The following DSC1 variants were observed in gnomAD, a reference collection of about 807,000 sequenced individuals.
DSC1 encodes the protein desmocollin-1.
A neutral mutation model predicts 98.8 loss-of-function variants in DSC1; 79 were observed. The ratio of observed to expected loss-of-function variants is 0.80; its 90% CI spans 0.67 to 0.96. The LOEUF (loss-of-function observed/expected upper bound fraction) is 0.96, where lower values mean the gene tolerates loss of function less well. Ranked by LOEUF, DSC1 falls within the 50% of genes least tolerant of loss-of-function variation. The probability of loss-of-function intolerance (pLI) is 0.00; values close to 1 mark genes in which losing one functional copy is unlikely to be tolerated. For synonymous variants in DSC1, 405 were observed against 372.1 expected, an observed-to-expected ratio of 1.09 and a Z score of -1.02; for missense variants, 1,115 against 1,075.9, an observed-to-expected ratio of 1.04 and a Z score of -0.51.
rs141558026 is a variant in DSC1 at position 31,160,657 on chromosome 18, G to A, written c.64-1128C>T. On this transcript the variant is annotated intron_variant, in intron 1 of 15. Coordinates refer to ENST00000257198, the MANE Select transcript of DSC1 (RefSeq NM_024421.2). The stretch of plus-strand genomic sequence containing the variant: ...CCACTTTTTAAAACGTGAGACATTC[G>A]TATTTATTTAACTTTTTAAATATGT... 5.9e-5 allele frequency among the ~76,000 whole-genome samples: 9 copies of A among 152,052 alleles called. No homozygotes were observed. The East Asian group carries it at 1.2e-3, about 20-fold the overall frequency.
chr18:31,134,874 T>A, intron 11 of DSC1, 90 bp from the exon 12 acceptor site: 1 of 1,247,252 alleles, frequency 8.0e-7, no homozygotes, highest in South Asian at 1.5e-5. Context: ...ATCTGCTTTC[T>A]ACTAGCTGTC....
intron 5 of DSC1, among the ~76,000 whole-genome samples, chr18:31,152,935 A>T (rs972588859): frequency 1.0e-5 from 1 of 95,568 alleles, no homozygotes; most frequent in Non-Finnish European, 2.1e-5. Flanking sequence ...GAATTTTACT[A>T]ATTTGCAAGT....
intron 6 of DSC1, among the ~76,000 whole-genome samples, chr18:31,147,308 G>A (rs942430659): frequency 2.0e-5 from 3 of 151,872 alleles, no homozygotes; most frequent in East Asian, 1.9e-4. Context: ...TTTCATAAAC[G>A]CACCTGTGAC....
chr18:31,140,437 C>T, intron 9 of DSC1, 136 bp from the exon 10 acceptor site: 1 of 889,424 alleles, frequency 1.1e-6, no homozygotes. Context: ...CAGTTAAAGA[C>T]CAACAATTAG....
Position 31,138,582 on chromosome 18 carries a change from T to A in DSC1, c.1663+1166A>T, listed in dbSNP as rs190247903. On this transcript the variant is annotated intron_variant, in intron 11 of 15. Coordinates refer to ENST00000257198, the MANE Select transcript of DSC1 (RefSeq NM_024421.2). ...GCCAACATAGAAAAAAGTAGGGGTA[T>A]AATATCTGAGAACACATTGTTTGCA... Among the ~76,000 whole-genome samples, 67 of 150,328 alleles carry A rather than the reference T, an allele frequency of 4.5e-4. 1 individual carries two copies. The East Asian group carries it at 8.0e-3, about 18-fold the overall frequency.
At position 31,131,724 on chromosome 18, in the gene DSC1, C is replaced by T; in HGVS notation, c.2357G>A (p.Gly786Asp). The change falls in exon 15 of 16, where the codon GGC becomes GAC. Residue 786 changes from glycine to aspartate, a missense_variant. Coordinates refer to ENST00000257198, the MANE Select transcript of DSC1 (RefSeq NM_024421.2). ...TCCTTTGTTGGAATCCAAAGTGTAG[C>T]CTCCTTTGACCATCTCAAAACTTTG... Reference protein sequence around the residue: ...TQQSFEMVKGGYTLDSNKGGG... With the variant: ...TQQSFEMVKGDYTLDSNKGGG... 6.2e-7 allele frequency: 1 copy of T among 1,614,096 alleles called. No homozygotes were observed. The highest frequency in any genetic ancestry group is 8.5e-7 in the Non-Finnish European group (1 of 1,179,984).
At position 31,140,039 on chromosome 18, in the gene DSC1, C is replaced by T; in HGVS notation, c.1520+3G>A. ...TTAAGGAGCTTTTTGAAAAGTACATCACCTTAAGCCTTCACCACTGGATAT... is the reference window on the plus strand; with the variant it reads ...TTAAGGAGCTTTTTGAAAAGTACATTACCTTAAGCCTTCACCACTGGATAT... On this transcript the variant is annotated splice_donor_region_variant and intron_variant, in intron 10 of 15. Transcript: ENST00000257198. 1 of 1,606,196 alleles carries T rather than the reference C, an allele frequency of 6.2e-7. No individual in the cohort carries two copies. The highest frequency in any genetic ancestry group is 8.5e-7 in the Non-Finnish European group (1 of 1,176,686).
intron 6 of DSC1, among the ~76,000 whole-genome samples, chr18:31,147,024 CAG>C (rs1988859934): frequency 6.6e-6 from 1 of 152,088 alleles, no homozygotes; most frequent in Non-Finnish European, 1.5e-5. Context: ...TACATGGAAA[CAG>C]AATGGAGGAG....
chr18:31,143,408 A>T (rs1198886261), intron 8 of DSC1, among the ~76,000 whole-genome samples: 3 of 151,966 alleles, frequency 2.0e-5, no homozygotes, highest in Non-Finnish European at 4.4e-5. Flanking sequence ...AAAGTTTAAC[A>T]CATGAGCTAC....
Position 31,143,925 on chromosome 18 carries a change from T to C in DSC1, c.940-134A>G, listed in dbSNP as rs550806940. On this transcript the variant is annotated intron_variant, in intron 7 of 15. Transcript: ENST00000257198. The stretch of plus-strand genomic sequence containing the variant: ...TTTTTCTTTTATATATTTATTTATT[T>C]ATTTGAGATGGGGTCTCACTGTCAC... 19 of 646,400 alleles carry C rather than the reference T, an allele frequency of 2.9e-5. No individual in the cohort carries two copies. In the East Asian group the frequency reaches 6.6e-4, roughly 22 times the overall value. 40.0% of individuals were successfully genotyped at this position (646,400 alleles called of 1,614,324 possible).
intron 10 of DSC1, 47 bp from the exon 11 acceptor site, chr18:31,139,937 A>G: frequency 6.4e-7 from 1 of 1,569,704 alleles, no homozygotes. Flanking sequence ...AAGAAGGGAC[A>G]TGATCTTAAA....
At chr18:31,144,074 T>TA (rs1375273236) in intron 7 of DSC1, among the ~76,000 whole-genome samples, 2 of 152,052 alleles carry the variant, frequency 1.3e-5, no homozygotes, top group African/African-American at 2.4e-5. Context: ...CACACCCAGC[T>TA]AATCTTTGTA....
At chr18:31,158,786 T>C (rs988204037) in intron 2 of DSC1, among the ~76,000 whole-genome samples, 3 of 152,176 alleles carry the variant, frequency 2.0e-5, no homozygotes, top group African/African-American at 7.2e-5. Flanking sequence ...ATCCATTTCA[T>C]GTCTAATCAA....
At chr18:31,136,149 G>T (rs1366885615) in intron 11 of DSC1, among the ~76,000 whole-genome samples, 1 of 151,854 alleles carries the variant, frequency 6.6e-6, no homozygotes, top group Non-Finnish European at 1.5e-5. Flanking sequence ...GAAGAAATTT[G>T]CAATAGCATA....
rs1194876741 is a variant in DSC1, at chr18:31,133,924, G to A, written c.2083C>T (p.Leu695Phe). The A allele has an allele frequency of 5.6e-6, 9 of 1,612,848 alleles. No individual in the cohort carries two copies. The highest frequency in any genetic ancestry group is 7.6e-6 in the Non-Finnish European group (9 of 1,179,432). Reference sequence around the variant, plus strand: ...AATACAGAACCCAACACCATAGCAAGAATAGCCCATCTTCCAAGTATTACA... The same window carrying A: ...AATACAGAACCCAACACCATAGCAAAAATAGCCCATCTTCCAAGTATTACA... Reference protein sequence around the residue: ...PNVILGRWAILAMVLGSVLLL... With the variant: ...PNVILGRWAIFAMVLGSVLLL... The change falls in exon 13 of 16, where the codon CTT (leucine) becomes TTT (phenylalanine). Residue 695 changes from leucine to phenylalanine, a missense_variant. Physicochemically the swap from Leu to Phe is conservative, Grantham distance 22. Coordinates refer to ENST00000257198, the MANE Select transcript of DSC1 (RefSeq NM_024421.2).
At chr18:31,158,443 T>C (rs1445164590) in intron 2 of DSC1, among the ~76,000 whole-genome samples, 1 of 152,220 alleles carries the variant, frequency 6.6e-6, no homozygotes, top group Non-Finnish European at 1.5e-5. Context: ...TTACTATGTG[T>C]CTTTAGAGTG....
rs759569406 is a variant in DSC1 at position 31,157,549 on chromosome 18, G to A, written c.173C>T (p.Ser58Leu). The change falls in exon 3 of 16, where the codon TCG becomes TTG. Residue 58 changes from serine to leucine, a missense_variant. Coordinates refer to ENST00000257198, the MANE Select transcript of DSC1 (RefSeq NM_024421.2). ...GTCACTGGACCGGATTAGGCTGGCC[G>A]ACTTGAGACACTCCTCCAGATTCAC... ...GKVNLEECLK[S>L]ASLIRSSDPA... The A allele has an allele frequency of 1.5e-5, 24 of 1,614,064 alleles. No individual in the cohort carries two copies. Among genetic ancestry groups the A allele is most frequent in the East Asian group, 8.9e-5 (4 of 44,888 alleles).
At chr18:31,150,335 A>AT (rs1988958875) in intron 5 of DSC1, among the ~76,000 whole-genome samples, 1 of 36,144 alleles carries the variant, frequency 2.8e-5, no homozygotes, top group African/African-American at 8.2e-5. Flanking sequence ...CACCACCACC[A>AT]CTACCATCAC....
At chr18:31,133,556 C>T (rs1988540973) in intron 13 of DSC1, among the ~76,000 whole-genome samples, 1 of 152,044 alleles carries the variant, frequency 6.6e-6, no homozygotes, top group South Asian at 2.1e-4. Context: ...GGTTGAAAGA[C>T]TATATTATTT....
Sources: gnomAD v4.1 joint callset for allele counts (sites outside exome capture counted in the v4.1 genomes callset) on GRCh38, gnomAD v4.1.1 for gene constraint, MANE v1.5 for transcripts, NCBI Gene and HGNC (gene_info 2026-07-23, HGNC 2026-07-21) for gene names.